PRKG1: variants seen among roughly 807,000 people sequenced by gnomAD.
PRKG1 encodes the protein cGMP-dependent protein kinase 1.
In PRKG1, 35 loss-of-function variants were observed where a neutral mutation model predicts 88.1. The ratio of observed to expected loss-of-function variants is 0.40; its 90% CI spans 0.30 to 0.53. PRKG1 has a LOEUF of 0.53. Among genes scored for constraint, PRKG1 ranks in the 20% least tolerant of loss-of-function variants. The pLI is 0.59. For missense variants in PRKG1, 540 were observed against 839.8 expected, an observed-to-expected ratio of 0.64 and a Z score of 4.41; for synonymous variants, 303 against 292.5, an observed-to-expected ratio of 1.04 and a Z score of -0.37.
intron 3 of PRKG1, among the ~76,000 whole-genome samples, chr10:51,687,930 A>G (rs181457602): frequency 2.6e-5 from 4 of 152,324 alleles, no homozygotes; most frequent in African/African-American, 9.6e-5. Context: ...TCTGTGAAGG[A>G]ACAAGATTTT....
chr10:51,646,133 A>T (rs1020646275), intron 3 of PRKG1, among the ~76,000 whole-genome samples: 2 of 152,156 alleles, frequency 1.3e-5, no homozygotes, highest in African/African-American at 4.8e-5. Context: ...AGGCAGATCT[A>T]TGCTATGGAA....
At position 51,818,783 on chromosome 10, in the gene PRKG1, G is replaced by A. The variant is rs1424765570; in HGVS notation, c.698+14093G>A. Among the ~76,000 whole-genome samples, 49 of 99,188 alleles carry A rather than the reference G, an allele frequency of 4.9e-4. 5 individuals carry two copies. Among genetic ancestry groups the A allele is most frequent in the Non-Finnish European group, 5.0e-4 (28 of 55,498 alleles). The allele number at this position is 99,188 out of a possible 152,430, so 65.1% of individuals were successfully genotyped here. ...AGCACTTTGGGAGGCCGAGGCGGGC[G>A]GATCACGAGGTCAGGAGATCGAGAC... On this transcript the variant is annotated intron_variant, in intron 4 of 17. Transcript: ENST00000373980.
intron 2 of PRKG1, among the ~76,000 whole-genome samples, chr10:51,440,871 A>C (rs1376157242): frequency 1.3e-5 from 2 of 151,998 alleles, no homozygotes; most frequent in Non-Finnish European, 2.9e-5. Flanking sequence ...CAAAAATTTC[A>C]TGTAAACAAT....
Position 51,926,027 on chromosome 10 carries a change from TTTA to T in PRKG1, c.762+18466_762+18468del, listed in dbSNP as rs1396906692. Among the ~76,000 whole-genome samples the T allele has an allele frequency of 3.3e-5, 5 of 152,180 alleles. No individual in the cohort carries two copies. In the East Asian group the frequency reaches 9.6e-4, roughly 29 times the overall value. ...CACATATTTTTAGCTCTTACTGTTA[TTTA>T]TTATTATTCCATTGAGAAAAACATT... On this transcript the variant is annotated intron_variant, in intron 5 of 17. Transcript: ENST00000373980.
At chr10:51,162,893 A>T (rs1156321471) in intron 2 of PRKG1, among the ~76,000 whole-genome samples, 3 of 151,818 alleles carry the variant, frequency 2.0e-5, no homozygotes, top group Admixed American at 6.6e-5. Flanking sequence ...ATTTTTTTGG[A>T]TTTTTTGTAG....
intron 3 of PRKG1, among the ~76,000 whole-genome samples, chr10:51,534,686 A>C (rs1181316932): frequency 6.6e-6 from 1 of 150,830 alleles, no homozygotes; most frequent in Non-Finnish European, 1.5e-5. Flanking sequence ...AAAAAAAGAA[A>C]GAAAGAAAGG....
At chr10:52,074,071 A>G (rs1207333695) in intron 7 of PRKG1, among the ~76,000 whole-genome samples, 2 of 152,196 alleles carry the variant, frequency 1.3e-5, no homozygotes, top group Non-Finnish European at 1.5e-5. Context: ...TAATCTTGCT[A>G]ATGTTTTAGT....
intron 3 of PRKG1, among the ~76,000 whole-genome samples, chr10:51,483,273 G>A (rs754650474): frequency 7.9e-5 from 12 of 152,022 alleles, no homozygotes; most frequent in Middle Eastern, 3.4e-3. Flanking sequence ...CACATGCCTC[G>A]GCCTCCCAAA....
intron 3 of PRKG1, among the ~76,000 whole-genome samples, chr10:51,654,100 C>T (rs1840105440): frequency 6.6e-6 from 1 of 151,666 alleles, no homozygotes; most frequent in South Asian, 2.1e-4. Flanking sequence ...AAATCACTGC[C>T]CAGATCAATG....
intron 4 of PRKG1, among the ~76,000 whole-genome samples, chr10:51,888,180 C>T (rs1841620948): frequency 6.6e-6 from 1 of 152,092 alleles, no homozygotes. Flanking sequence ...TGAATGTGTG[C>T]ATTTTTTGTG....
rs202244389 is a variant in PRKG1 at position 51,722,144 on chromosome 10, G to GC, written c.593-82440dup. 4.4e-3 allele frequency among the ~76,000 whole-genome samples: 673 copies of GC among 152,012 alleles called. 2 individuals are homozygous for GC. Among genetic ancestry groups the GC allele is most frequent in the African/African-American group, 0.016 (651 of 41,478 alleles). On this transcript the variant is annotated intron_variant, in intron 3 of 17. Coordinates refer to ENST00000373980, the MANE Select transcript of PRKG1 (RefSeq NM_006258.4). ...ACTCGGGAGGCTGAGGCAGAGAATT[G>GC]CTTGAACCTGGGAGGCGGAGGTTGC...
intron 2 of PRKG1, among the ~76,000 whole-genome samples, chr10:51,363,648 ATTG>A (rs756705783): frequency 6.6e-6 from 1 of 151,890 alleles, no homozygotes. Flanking sequence ...AGAGACACGT[ATTG>A]TTGTCCTACT....
intron 2 of PRKG1, among the ~76,000 whole-genome samples, chr10:51,267,149 T>C (rs1344295304): frequency 6.6e-6 from 1 of 152,204 alleles, no homozygotes; most frequent in African/African-American, 2.4e-5. Context: ...TAATTAGTTT[T>C]TTTCTGTGAA....
intron 3 of PRKG1, among the ~76,000 whole-genome samples, chr10:51,554,247 AT>A (rs922467441): frequency 3.4e-5 from 5 of 147,026 alleles, no homozygotes; most frequent in African/African-American, 1.2e-4. Context: ...ATGTATATAT[AT>A]TATACATATA....
rs192020513 is a variant in PRKG1 at position 51,393,593 on chromosome 10, G to A, written c.479-74130G>A. ...GTGCCTTATCTACAGAAATATGAATGTGATGATCATTAACACCATGGCAAA... is the reference window on the plus strand; with the variant it reads ...GTGCCTTATCTACAGAAATATGAATATGATGATCATTAACACCATGGCAAA... On this transcript the variant is annotated intron_variant, in intron 2 of 17. Transcript: ENST00000373980. Among the ~76,000 whole-genome samples the A allele has an allele frequency of 1.6e-3, 239 of 152,300 alleles. 1 individual carries two copies. Among genetic ancestry groups the A allele is most frequent in the African/African-American group, 5.7e-3 (235 of 41,578 alleles).
chr10:51,494,830 A>T (rs76667998), intron 3 of PRKG1, among the ~76,000 whole-genome samples: 1 of 152,216 alleles, frequency 6.6e-6, no homozygotes, highest in East Asian at 1.9e-4. Context: ...TCATTTTATT[A>T]TGCTATTTAT....
chr10:51,786,842 C>A (rs921942800), intron 3 of PRKG1, among the ~76,000 whole-genome samples: 2 of 152,120 alleles, frequency 1.3e-5, no homozygotes, highest in Non-Finnish European at 2.9e-5. Flanking sequence ...GTCTTGAGAT[C>A]CTTACCACTT....
At chr10:51,837,337 C>T (rs1840157921) in intron 4 of PRKG1, among the ~76,000 whole-genome samples, 1 of 152,080 alleles carries the variant, frequency 6.6e-6, no homozygotes, top group Non-Finnish European at 1.5e-5. Context: ...AATTAAATAG[C>T]ATACTTTATT....
At chr10:52,077,751 G>T (rs1432170440) in intron 7 of PRKG1, among the ~76,000 whole-genome samples, 1 of 152,092 alleles carries the variant, frequency 6.6e-6, no homozygotes, top group Middle Eastern at 3.2e-3. Flanking sequence ...TAGTTCTGCA[G>T]TAGGTTTTAC....
Sources: allele counts gnomAD v4.1 joint callset (sites outside exome capture counted in the v4.1 genomes callset), GRCh38; gene constraint gnomAD v4.1.1; transcripts MANE v1.5; gene names NCBI Gene and HGNC (gene_info 2026-07-23, HGNC 2026-07-21).